The following VPS41 variants were observed in gnomAD, a reference collection of about 807,000 sequenced individuals.
VPS41 encodes the protein VPS41 subunit of HOPS complex, also known as vacuolar protein sorting-associated protein 41 homolog.
A neutral mutation model predicts 130.9 loss-of-function variants in VPS41; 85 were observed. The ratio of observed to expected loss-of-function variants is 0.65; its 90% confidence interval spans 0.55 to 0.78. VPS41 has a LOEUF of 0.78. Ranked by LOEUF, VPS41 falls within the 30% of genes least tolerant of loss-of-function variation. The pLI is 0.00. For missense variants in VPS41, 874 were observed against 1,018.7 expected (o/e 0.86, Z 1.93); for synonymous variants, 335 against 332.9 (o/e 1.01, Z -0.07).
chr7:38,876,891 T>C (rs1786503526), intron 2 of VPS41, among the ~76,000 whole-genome samples: 1 of 152,086 alleles, frequency 6.6e-6, no homozygotes, highest in Non-Finnish European at 1.5e-5. Context: ...TCCCATCATT[T>C]AGTTTATATT....
chr7:38,757,480 C>G (rs1783821744), intron 18 of VPS41, among the ~76,000 whole-genome samples: 1 of 152,146 alleles, frequency 6.6e-6, no homozygotes, highest in Admixed American at 6.5e-5. Flanking sequence ...CTTGAGAGCT[C>G]ACTGAACTGA....
At chr7:38,781,694 C>T (rs576483939) in intron 10 of VPS41, among the ~76,000 whole-genome samples, 1 of 152,244 alleles carries the variant, frequency 6.6e-6, no homozygotes, top group African/African-American at 2.4e-5. Flanking sequence ...CCTTCTATTC[C>T]TCTTACCAAC....
chr7:38,831,272 T>G (rs984827852), intron 4 of VPS41: 28 of 470,912 alleles, frequency 5.9e-5, no homozygotes, highest in Non-Finnish European at 1.1e-4. Context: ...TATAATTTAG[T>G]AAGTGTGTGC....
chr7:38,814,172 G>A (rs17680408), intron 7 of VPS41, among the ~76,000 whole-genome samples: 32,356 of 152,050 alleles, frequency 0.21, 4,425 homozygotes, highest in Non-Finnish European at 0.31. Flanking sequence ...TCCTTTCTAC[G>A]GATGTCTGCA....
chr7:38,767,425 TAGAA>T (rs1209447399), intron 15 of VPS41, 108 bp downstream of exon 15: 6 of 554,486 alleles, frequency 1.1e-5, no homozygotes, highest in African/African-American at 2.0e-5. Context: ...TTACCCTCGT[TAGAA>T]AGATGTACAA....
Position 38,796,833 on chromosome 7 carries a change from C to A in VPS41, c.482G>T (p.Arg161Ile). ...TTCATGCAGAACAGCAGACTTCCATCTGTTCATCCAAGACCGTTCAAACAG... is the reference window on the plus strand; with the variant it reads ...TTCATGCAGAACAGCAGACTTCCATATGTTCATCCAAGACCGTTCAAACAG... ...LLLFERSWMN[R>I]WKSAVLHEGE... is the part of the protein sequence containing the mutation. The change falls in exon 8 of 29, where the codon AGA becomes ATA. Residue 161 changes from arginine to isoleucine, a missense_variant. Arg to Ile is a moderately conservative substitution (Grantham distance 97). Transcript: ENST00000310301. 1 of 1,614,004 alleles carries A rather than the reference C, an allele frequency of 6.2e-7. No individual in the cohort carries two copies. The highest frequency in any genetic ancestry group is 8.5e-7 in the Non-Finnish European group (1 of 1,179,884).
intron 10 of VPS41, among the ~76,000 whole-genome samples, chr7:38,782,448 C>T (rs759180083): frequency 1.4e-4 from 22 of 152,192 alleles, no homozygotes; most frequent in Non-Finnish European, 3.1e-4. Flanking sequence ...GCTCTCAGGA[C>T]TACCTTTGTC....
intron 4 of VPS41, among the ~76,000 whole-genome samples, chr7:38,855,836 G>A (rs1785969844): frequency 6.6e-6 from 1 of 152,150 alleles, no homozygotes; most frequent in South Asian, 2.1e-4. Context: ...AAATACTGCT[G>A]AACATAAGGG....
chr7:38,749,339 A>C (rs536767276), intron 22 of VPS41, among the ~76,000 whole-genome samples: 11 of 152,320 alleles, frequency 7.2e-5, no homozygotes, highest in African/African-American at 1.9e-4. Flanking sequence ...AATTGTTGGC[A>C]AAGGAAGACA....
At chr7:38,850,702 G>A (rs1473234976) in intron 4 of VPS41, among the ~76,000 whole-genome samples, 1 of 152,016 alleles carries the variant, frequency 6.6e-6, no homozygotes, top group Non-Finnish European at 1.5e-5. Context: ...TGTTATTTCT[G>A]CTTGTAAACA....
chr7:38,908,746 T>G (rs546023919), intron 1 of VPS41, among the ~76,000 whole-genome samples: 1 of 152,166 alleles, frequency 6.6e-6, no homozygotes, highest in East Asian at 1.9e-4. Context: ...AAAACAAAAC[T>G]CATCGTCTAC....
rs1017899320 is a variant in VPS41 at position 38,723,800 on chromosome 7, C to T, written c.*2446G>A. ...TTTGCAACTATGTTCTTCCCCAAAA[C>T]GAGGGGAATGGGTTTCCTTTTTACC... On this transcript the variant is annotated 3_prime_UTR_variant, in exon 29 of 29. Coordinates refer to ENST00000310301, the MANE Select transcript of VPS41 (RefSeq NM_014396.4). 11 of 127,598 alleles carry T rather than the reference C, an allele frequency of 8.6e-5. No individual in the cohort carries two copies. Among genetic ancestry groups the T allele is most frequent in the African/African-American group, 2.1e-4 (7 of 33,642 alleles). 7.9% of individuals were successfully genotyped at this position (127,598 alleles called of 1,614,324 possible).
chr7:38,766,295 A>AC (rs762459825), intron 15 of VPS41, among the ~76,000 whole-genome samples: 2 of 152,148 alleles, frequency 1.3e-5, no homozygotes, highest in Non-Finnish European at 2.9e-5. Context: ...CTTGCACACC[A>AC]CTACATAACA....
At chr7:38,890,521 T>G (rs1786837264) in intron 2 of VPS41, among the ~76,000 whole-genome samples, 1 of 152,054 alleles carries the variant, frequency 6.6e-6, no homozygotes, top group Non-Finnish European at 1.5e-5. Context: ...ACACACAAAC[T>G]CATGCACACA....
intron 23 of VPS41, among the ~76,000 whole-genome samples, chr7:38,744,554 T>C (rs930510168): frequency 3.3e-5 from 5 of 152,366 alleles, no homozygotes; most frequent in Non-Finnish European, 7.3e-5. Flanking sequence ...TCAGACTATA[T>C]GTCCCTAATA....
intron 10 of VPS41, among the ~76,000 whole-genome samples, chr7:38,788,922 A>AT (rs1470079651): frequency 6.6e-6 from 1 of 152,336 alleles, no homozygotes; most frequent in East Asian, 1.9e-4. Context: ...TGTGCAAATA[A>AT]TTTATTTCAA....
chr7:38,783,740 TA>T (rs577396139), intron 10 of VPS41, among the ~76,000 whole-genome samples: 2 of 148,742 alleles, frequency 1.3e-5, no homozygotes, highest in Non-Finnish European at 3.0e-5. Flanking sequence ...TCGTTTCATT[TA>T]AAAAAAAAAC....
At chr7:38,832,863 T>C (rs1785419209) in intron 4 of VPS41, among the ~76,000 whole-genome samples, 1 of 152,154 alleles carries the variant, frequency 6.6e-6, no homozygotes, top group South Asian at 2.1e-4. Flanking sequence ...CATTTTTATC[T>C]CCAGGCAGGG....
intron 12 of VPS41, 140 bp from the exon 13 acceptor site, chr7:38,772,777 T>C: frequency 3.6e-6 from 2 of 548,078 alleles, no homozygotes; most frequent in Non-Finnish European, 6.5e-6. Flanking sequence ...TTGGCTCTGC[T>C]GGAAGGTAAG....
Sources: allele counts gnomAD v4.1 joint callset (sites outside exome capture counted in the v4.1 genomes callset), GRCh38; gene constraint gnomAD v4.1.1; transcripts MANE v1.5; gene names NCBI Gene and HGNC (gene_info 2026-07-23, HGNC 2026-07-21).